Variants in CSMD1 observed in about 807,000 individuals in gnomAD.
CSMD1 encodes CUB and Sushi multiple domains 1.
A neutral mutation model predicts 417.5 loss-of-function variants in CSMD1; 213 were observed. That is an observed-to-expected ratio of 0.51 (90% CI 0.46 to 0.57). CSMD1 has a LOEUF of 0.57. Ranked by LOEUF, CSMD1 falls within the 20% of genes least tolerant of loss-of-function variation. The pLI is 0.00. For synonymous variants in CSMD1, 2,862 were observed against 1,736.8 expected, an observed-to-expected ratio of 1.65 and a Z score of -16.11; for missense variants, 6,923 against 4,529.7, an observed-to-expected ratio of 1.53 and a Z score of -15.17.
chr8:3,142,471 A>G lies in CSMD1; in HGVS notation c.6235T>C (p.Tyr2079His). Reference protein sequence around the residue: ...SQNRQGFKLAYQAYELQNCPD... With the variant: ...SQNRQGFKLAHQAYELQNCPD... The stretch of plus-strand genomic sequence containing the variant: ...TCTCGTTGTTGTTCCATACCTTGGT[A>G]AGCAAGTTTAAATCCTTGCCGGTTT... The change falls in exon 41 of 70, where the codon TAC becomes CAC. Residue 2079 changes from tyrosine (Y) to histidine (H), a missense_variant. Transcript: ENST00000635120. 2 of 1,612,930 alleles carry G rather than the reference A, an allele frequency of 1.2e-6. No homozygotes were observed. The highest frequency in any genetic ancestry group is 1.7e-6 in the Non-Finnish European group (2 of 1,179,188).
At chr8:4,211,113 G>T (rs1312101407) in intron 3 of CSMD1, among the ~76,000 whole-genome samples, 1 of 151,852 alleles carries the variant, frequency 6.6e-6, no homozygotes, top group African/African-American at 2.4e-5. Context: ...TTTTCTTGCT[G>T]TTATATATTC....
intron 5 of CSMD1, among the ~76,000 whole-genome samples, chr8:3,942,080 C>T (rs192223722): frequency 1.3e-5 from 2 of 151,976 alleles, no homozygotes; most frequent in East Asian, 1.9e-4. Context: ...ATCTAGGTTT[C>T]GAGCTCCTTG....
intron 3 of CSMD1, among the ~76,000 whole-genome samples, chr8:4,358,779 C>G (rs1001268693): frequency 9.9e-5 from 15 of 152,080 alleles, no homozygotes; most frequent in African/African-American, 3.4e-4. Context: ...TGCAATAAAG[C>G]TTTGTCAGCC....
chr8:3,655,806 G>T (rs150185981), intron 7 of CSMD1, among the ~76,000 whole-genome samples: 22 of 152,204 alleles, frequency 1.4e-4, no homozygotes, highest in Non-Finnish European at 2.5e-4. Flanking sequence ...AAGAAAGAAA[G>T]TCTTCCAATA....
At chr8:4,162,176 C>G (rs13250579) in intron 3 of CSMD1, among the ~76,000 whole-genome samples, 2 of 151,878 alleles carry the variant, frequency 1.3e-5, no homozygotes, top group African/African-American at 4.8e-5. Context: ...GCCTGCTTTG[C>G]GCAACTTTTC....
intron 5 of CSMD1, among the ~76,000 whole-genome samples, chr8:3,763,287 T>G (rs1039958161): frequency 2.0e-5 from 3 of 152,138 alleles, no homozygotes; most frequent in African/African-American, 7.2e-5. Flanking sequence ...CCAAATCTCA[T>G]GTTGACATAT....
chr8:3,171,863 T>G (rs11989434), intron 37 of CSMD1, among the ~76,000 whole-genome samples: 152 of 152,340 alleles, frequency 1.0e-3, no homozygotes, highest in African/African-American at 3.5e-3. Flanking sequence ...GCTCAGATAG[T>G]GCCAGTTTAA....
chr8:3,097,119 C>A, intron 46 of CSMD1, 82 bp from the exon 47 acceptor site: 1 of 1,149,858 alleles, frequency 8.7e-7, no homozygotes, highest in South Asian at 1.8e-5. Flanking sequence ...CCTGTATAAA[C>A]AAGTCAATGA....
At chr8:3,395,579 A>C (rs1165060336) in intron 17 of CSMD1, among the ~76,000 whole-genome samples, 1 of 152,256 alleles carries the variant, frequency 6.6e-6, no homozygotes. Context: ...GACTGTTTGC[A>C]AAATACATTC....
intron 37 of CSMD1, among the ~76,000 whole-genome samples, chr8:3,171,180 G>C (rs571230682): frequency 3.9e-5 from 6 of 152,156 alleles, no homozygotes; most frequent in Non-Finnish European, 7.3e-5. Context: ...AAAAAGGCTT[G>C]AATGCCAATT....
chr8:4,083,561 G>C (rs559625148), intron 3 of CSMD1, among the ~76,000 whole-genome samples: 3 of 152,082 alleles, frequency 2.0e-5, no homozygotes, highest in Non-Finnish European at 4.4e-5. Context: ...TCTGATCTTT[G>C]ACAAACCTGA....
At chr8:4,629,346 C>T (rs568794616) in intron 2 of CSMD1, among the ~76,000 whole-genome samples, 1 of 152,082 alleles carries the variant, frequency 6.6e-6, no homozygotes, top group Non-Finnish European at 1.5e-5. Context: ...GAAGGTATGC[C>T]CATTCAGAAT....
intron 11 of CSMD1, among the ~76,000 whole-genome samples, chr8:3,481,612 G>A (rs576528533): frequency 6.6e-6 from 1 of 152,150 alleles, no homozygotes; most frequent in Non-Finnish European, 1.5e-5. Context: ...TCGAAATGTG[G>A]GGGATTGTCC....
intron 3 of CSMD1, among the ~76,000 whole-genome samples, chr8:4,394,867 T>C (rs1225925197): frequency 6.6e-6 from 1 of 152,112 alleles, no homozygotes; most frequent in African/African-American, 2.4e-5. Flanking sequence ...GAGAGTCCGA[T>C]ACAACCTTGT....
chr8:3,334,510 T>G (rs888722588), intron 23 of CSMD1, among the ~76,000 whole-genome samples: 17 of 152,224 alleles, frequency 1.1e-4, no homozygotes, highest in Non-Finnish European at 4.4e-5. Flanking sequence ...AATGTTGATG[T>G]CATTTTTATT....
At chr8:3,703,193 G>A (rs538138209) in intron 7 of CSMD1, among the ~76,000 whole-genome samples, 11 of 152,190 alleles carry the variant, frequency 7.2e-5, no homozygotes, top group South Asian at 4.2e-4. Context: ...GTTGAGAGTC[G>A]CCCTCACCGC....
At chr8:4,621,946 G>A (rs933416456) in intron 2 of CSMD1, among the ~76,000 whole-genome samples, 1 of 151,922 alleles carries the variant, frequency 6.6e-6, no homozygotes, top group African/African-American at 2.4e-5. Flanking sequence ...CATTTTAATT[G>A]ATGCCAAAAT....
At chr8:4,497,748 G>A (rs1205054537) in intron 2 of CSMD1, among the ~76,000 whole-genome samples, 3 of 152,170 alleles carry the variant, frequency 2.0e-5, no homozygotes, top group South Asian at 2.1e-4. Flanking sequence ...AAAGCTCCCC[G>A]AAACAATTCT....
chr8:4,749,799 A>G (rs1384800667), intron 1 of CSMD1, among the ~76,000 whole-genome samples: 1 of 152,130 alleles, frequency 6.6e-6, no homozygotes, highest in Admixed American at 6.5e-5. Flanking sequence ...CCTGTATGAC[A>G]CATTGTTTAA....
Sources: gnomAD v4.1 joint callset for allele counts (sites outside exome capture counted in the v4.1 genomes callset) on GRCh38, gnomAD v4.1.1 for gene constraint, MANE v1.5 for transcripts, NCBI Gene and HGNC (gene_info 2026-07-23, HGNC 2026-07-21) for gene names.